GAS7: variants seen among roughly 807,000 people sequenced by gnomAD.
GAS7 encodes the protein growth arrest-specific protein 7.
Under a neutral mutation model 71.1 loss-of-function variants are expected in GAS7, and 28 were observed. The ratio of observed to expected loss-of-function variants is 0.39; its 90% CI spans 0.29 to 0.54. The LOEUF (loss-of-function observed/expected upper bound fraction) is 0.54. Among genes scored for constraint, GAS7 ranks in the 20% least tolerant of loss-of-function variants. The probability of loss-of-function intolerance (pLI) is 0.62; values close to 1 mark genes in which losing one functional copy is unlikely to be tolerated. For missense variants in GAS7, 436 were observed against 627.8 expected (o/e 0.69, Z 3.27); for synonymous variants, 258 against 245.8 (o/e 1.05, Z -0.46).
chr17:10,098,528 T>C (rs2073667174), intron 1 of GAS7, among the ~76,000 whole-genome samples: 1 of 152,190 alleles, frequency 6.6e-6, no homozygotes, highest in South Asian at 2.1e-4. Flanking sequence ...GACCTTCTTG[T>C]CCCAGTGGCC....
intron 1 of GAS7, among the ~76,000 whole-genome samples, chr17:10,170,647 C>G (rs1448913150): frequency 6.6e-6 from 1 of 152,224 alleles, no homozygotes; most frequent in Non-Finnish European, 1.5e-5. Flanking sequence ...TCACCCCTAA[C>G]TAAAATGTAA....
chr17:10,143,900 C>T (rs1481365216), intron 1 of GAS7, among the ~76,000 whole-genome samples: 1 of 152,194 alleles, frequency 6.6e-6, no homozygotes, highest in African/African-American at 2.4e-5. Context: ...ACAGTTAGTG[C>T]CAAGCATGTG....
chr17:9,962,013 ACCT>A (rs1211940603), intron 4 of GAS7, among the ~76,000 whole-genome samples: 1 of 152,142 alleles, frequency 6.6e-6, no homozygotes, highest in African/African-American at 2.4e-5. Context: ...CAGAGGTCGC[ACCT>A]CCTCCTTATA....
Position 10,019,764 on chromosome 17 carries a change from G to T in GAS7, c.304+13C>A. ...GGGGGTTGGTGCAGGATTCTCCCCC[G>T]AGCGGGACTCACCATTGGTGGTCGT... On this transcript the variant is annotated intron_variant, in intron 2 of 13. Transcript: ENST00000432992. 6.2e-7 allele frequency: 1 copy of T among 1,611,098 alleles called. No individual in the cohort carries two copies. The highest frequency in any genetic ancestry group is 8.5e-7 in the Non-Finnish European group (1 of 1,178,208).
intron 2 of GAS7, among the ~76,000 whole-genome samples, chr17:10,014,665 T>C (rs1447807037): frequency 1.3e-5 from 2 of 152,090 alleles, no homozygotes; most frequent in East Asian, 1.9e-4. Flanking sequence ...AGCTGACTAC[T>C]CCCTTCCTCG....
Position 10,046,780 on chromosome 17 carries a change from GAAA to G in GAS7, c.184-26886_184-26884del, listed in dbSNP as rs1398827035. Among the ~76,000 whole-genome samples, 7 of 89,696 alleles carry G rather than the reference GAAA, an allele frequency of 7.8e-5. 1 individual carries two copies. Among genetic ancestry groups the G allele is most frequent in the African/African-American group, 3.0e-4 (5 of 16,422 alleles). The allele number at this position is 89,696 out of a possible 152,430, so 58.8% of individuals were successfully genotyped here. On this transcript the variant is annotated intron_variant, in intron 1 of 13. Transcript: ENST00000432992. ...AAAAGAAAGAAAGAAGAGAAAGAAAGAAAGAAAGGAAGGAAGGAAGGAAGGAAG... is the reference window on the plus strand; with the variant it reads ...AAAAGAAAGAAAGAAGAGAAAGAAAGGAAAGGAAGGAAGGAAGGAAGGAAG...
intron 1 of GAS7, among the ~76,000 whole-genome samples, chr17:10,049,269 A>C (rs1294185599): frequency 1.3e-5 from 2 of 152,212 alleles, no homozygotes; most frequent in Admixed American, 1.3e-4. Context: ...TATTGAATGG[A>C]CCAAGTCTTG....
At chr17:10,088,251 AATAAT>A (rs2073543073) in intron 1 of GAS7, among the ~76,000 whole-genome samples, 2 of 148,400 alleles carry the variant, frequency 1.3e-5, no homozygotes, top group African/African-American at 2.5e-5. Context: ...TAATAATAAT[AATAAT>A]AAATATGTAT....
At chr17:10,127,864 C>A (rs2073962874) in intron 1 of GAS7, among the ~76,000 whole-genome samples, 1 of 152,198 alleles carries the variant, frequency 6.6e-6, no homozygotes, top group Admixed American at 6.5e-5. Context: ...ACACCAGAAC[C>A]CACGCAAAGA....
intron 1 of GAS7, among the ~76,000 whole-genome samples, chr17:10,079,321 G>T (rs2073431278): frequency 1.3e-5 from 2 of 152,160 alleles, no homozygotes; most frequent in Non-Finnish European, 2.9e-5. Flanking sequence ...TATCTGAATG[G>T]ACATCCTCCT....
At chr17:10,124,113 G>A (rs1422199415) in intron 1 of GAS7, among the ~76,000 whole-genome samples, 3 of 152,238 alleles carry the variant, frequency 2.0e-5, no homozygotes, top group East Asian at 1.9e-4. Context: ...GGCCCCTGAG[G>A]AGGCGGAGTG....
intron 1 of GAS7, among the ~76,000 whole-genome samples, chr17:10,137,915 G>A (rs1597813400): frequency 1.3e-5 from 2 of 152,022 alleles, no homozygotes; most frequent in East Asian, 3.9e-4. Context: ...GTTGACCAAG[G>A]TACAGTAAAT....
intron 1 of GAS7, among the ~76,000 whole-genome samples, chr17:10,096,345 T>G (rs558230908): frequency 2.0e-5 from 3 of 152,200 alleles, no homozygotes; most frequent in Non-Finnish European, 4.4e-5. Flanking sequence ...CTCTCCAAGT[T>G]TTTTCTGTGC....
chr17:9,926,966 A>G lies in GAS7; in HGVS notation c.886-197T>C, dbSNP rs1307250865. ...GGTCTCAGCTTAGGCAGGTCACCTT[A>G]GCTCAGGAGGCCCCCACACACGTCT... On this transcript the variant is annotated intron_variant, in intron 9 of 13. Coordinates refer to ENST00000432992, the MANE Select transcript of GAS7 (RefSeq NM_201433.2). This position sits in a 1 kb window ranked among gnomAD's most constrained non-coding sequence, Gnocchi z 5.0. The G allele has an allele frequency of 1.7e-6, 1 of 591,568 alleles. No individual in the cohort carries two copies. Among genetic ancestry groups the G allele is most frequent in the Non-Finnish European group, 3.0e-6 (1 of 330,310 alleles). 36.6% of individuals were successfully genotyped at this position (591,568 alleles called of 1,614,324 possible). A position where few individuals can be genotyped will look rare whatever the true frequency, so the allele number is the denominator to read the frequency against.
intron 2 of GAS7, among the ~76,000 whole-genome samples, chr17:9,989,424 G>A (rs140138817): frequency 6.0e-4 from 92 of 152,244 alleles, no homozygotes; most frequent in African/African-American, 2.1e-3. Context: ...AAATATAAGT[G>A]GTTAAACTCC....
intron 2 of GAS7, among the ~76,000 whole-genome samples, chr17:10,015,814 T>G (rs2071972932): frequency 2.0e-5 from 3 of 152,018 alleles, no homozygotes; most frequent in Admixed American, 6.6e-5. Context: ...TCCTTACCCT[T>G]CCCATCCTGC....
chr17:10,047,386 CCT>C (rs1291425094), intron 1 of GAS7, among the ~76,000 whole-genome samples: 1 of 152,140 alleles, frequency 6.6e-6, no homozygotes, highest in Non-Finnish European at 1.5e-5. Flanking sequence ...ACCATCGAAC[CCT>C]ACAGGCAGGT....
chr17:10,128,083 G>A (rs117411129), intron 1 of GAS7, among the ~76,000 whole-genome samples: 7,038 of 152,246 alleles, frequency 0.046, 284 homozygotes, highest in South Asian at 0.13. Flanking sequence ...GCCAGGGCTC[G>A]GCCCTACCCC....
chr17:10,037,584 T>G (rs1341312551), intron 1 of GAS7, among the ~76,000 whole-genome samples: 2 of 152,072 alleles, frequency 1.3e-5, no homozygotes, highest in African/African-American at 4.8e-5. Flanking sequence ...AGTACAATCG[T>G]CTAAGGATGG....
Sources: gnomAD v4.1 joint callset for allele counts (sites outside exome capture counted in the v4.1 genomes callset) on GRCh38, gnomAD v4.1.1 for gene constraint, Gnocchi (gnomAD v3.1) non-coding constraint, MANE v1.5 for transcripts, NCBI Gene and HGNC (gene_info 2026-07-23, HGNC 2026-07-21) for gene names.